The following PROM1 variants were observed in gnomAD, a reference collection of about 807,000 sequenced individuals.
PROM1 encodes prominin-1.
A neutral mutation model predicts 116.9 loss-of-function variants in PROM1; 105 were observed. The observed-to-expected ratio is 0.90, with a 90% CI of 0.77 to 1.06. The LOEUF (loss-of-function observed/expected upper bound fraction) is 1.06, where lower values mean the gene tolerates loss of function less well. Among genes scored for constraint, PROM1 ranks in the 50% least tolerant of loss-of-function variants. PROM1 has a pLI of 0.00. For missense variants in PROM1, 1,122 were observed against 1,045.2 expected (o/e 1.07, Z -1.01); for synonymous variants, 393 against 387.0 (o/e 1.02, Z -0.18).
At chr4:16,041,140 A>G (rs1735127701) in intron 2 of PROM1, among the ~76,000 whole-genome samples, 1 of 152,214 alleles carries the variant, frequency 6.6e-6, no homozygotes, top group Admixed American at 6.5e-5. Context: ...TGTTGTGTTG[A>G]CATTTGCACT....
rs377682836 is a variant in PROM1 at position 15,992,230 on chromosome 4, T to C, written c.1911+18A>G. The C allele has an allele frequency of 1.6e-5, 26 of 1,612,602 alleles. No homozygotes were observed. The highest frequency in any genetic ancestry group is 2.0e-5 in the Non-Finnish European group (24 of 1,179,628). ...TTAATTTCTCCTAAAGGATCAAGCA[T>C]GAACACATGCGCCATACCTGAGCCA... is the stretch of plus-strand genomic sequence containing the variant. On this transcript the variant is annotated intron_variant, in intron 17 of 27. Coordinates refer to ENST00000447510, the MANE Select transcript of PROM1 (RefSeq NM_006017.3).
chr4:16,008,346 C>T (rs543442231), intron 12 of PROM1, among the ~76,000 whole-genome samples: 1 of 152,314 alleles, frequency 6.6e-6, no homozygotes, highest in East Asian at 1.9e-4. Flanking sequence ...CCCCACCACT[C>T]GCATTTTCTA....
At chr4:15,980,304 A>T (rs1717444579) in intron 24 of PROM1, 118 bp downstream of exon 24, 1 of 17,736 alleles carries the variant, frequency 5.6e-5, no homozygotes, top group Non-Finnish European at 1.0e-4. Flanking sequence ...AACTACTACT[A>T]AAAAAAAAAA....
At chr4:16,018,015 A>AT (rs1160757138) in intron 9 of PROM1, among the ~76,000 whole-genome samples, 6 of 30,294 alleles carry the variant, frequency 2.0e-4, no homozygotes, top group African/African-American at 3.3e-4. Context: ...CATATTTAAA[A>AT]ATTTTTTAAT....
In PROM1 at chr4:15,989,879, T is replaced by A. The variant is rs567249360; in HGVS notation, c.1984-55A>T. On this transcript the variant is annotated intron_variant, in intron 18 of 27. Transcript: ENST00000447510. ...TACCATCTTTCCAGACTCAAAGCAC[T>A]CTCGCTATCCTCAGGGGCCCTGTGT... 26 of 1,400,818 alleles carry A rather than the reference T, an allele frequency of 1.9e-5. No homozygotes were observed. The East Asian group carries it at 3.9e-4, about 21-fold the overall frequency. 86.8% of individuals were successfully genotyped at this position (1,400,818 alleles called of 1,614,324 possible).
chr4:16,015,144 G>T (rs1727987195), intron 10 of PROM1, among the ~76,000 whole-genome samples: 1 of 151,842 alleles, frequency 6.6e-6, no homozygotes, highest in African/African-American at 2.4e-5. Flanking sequence ...TCAGGAATTC[G>T]AGACCAGCCT....
In PROM1 at chr4:15,979,862, T is replaced by A. The variant is rs1577792083; in HGVS notation, c.2513+19A>T. 14 of 1,444,164 alleles carry A rather than the reference T, an allele frequency of 9.7e-6. No homozygotes were observed. In the East Asian group the frequency reaches 3.5e-4, roughly 36 times the overall value. The allele number at this position is 1,444,164 out of a possible 1,614,324, so 89.5% of individuals were successfully genotyped here. ...TCCCCCATCCCATCTAGGAATATAG[T>A]TTTTTTAAAAAGGCTTACTTTTTCA... is the stretch of plus-strand genomic sequence containing the variant. On this transcript the variant is annotated intron_variant, in intron 25 of 27. Coordinates refer to ENST00000447510, the MANE Select transcript of PROM1 (RefSeq NM_006017.3).
chr4:16,005,517 T>C (rs1025782361), intron 13 of PROM1, among the ~76,000 whole-genome samples: 2 of 151,224 alleles, frequency 1.3e-5, no homozygotes, highest in African/African-American at 4.9e-5. Context: ...TGTGTGTGTG[T>C]GTGTGTGTGT....
At chr4:16,077,106 T>C (rs1176074120) in intron 1 of PROM1, among the ~76,000 whole-genome samples, 2 of 152,076 alleles carry the variant, frequency 1.3e-5, no homozygotes, top group African/African-American at 4.8e-5. Context: ...CTGAGGAGCA[T>C]TAGTATAAGA....
intron 23 of PROM1, among the ~76,000 whole-genome samples, chr4:15,983,772 G>A (rs1002545501): frequency 3.9e-5 from 6 of 152,166 alleles, no homozygotes; most frequent in African/African-American, 1.4e-4. Flanking sequence ...AAGCCACTGA[G>A]GTGCTTTCAG....
At chr4:16,032,104 T>C (rs1732841858) in intron 5 of PROM1, among the ~76,000 whole-genome samples, 1 of 151,984 alleles carries the variant, frequency 6.6e-6, no homozygotes, top group African/African-American at 2.4e-5. Context: ...TCACATCCCA[T>C]CTGCTCTATA....
At chr4:16,015,676 G>C (rs1426776003) in intron 10 of PROM1, among the ~76,000 whole-genome samples, 1 of 151,868 alleles carries the variant, frequency 6.6e-6, no homozygotes, top group Non-Finnish European at 1.5e-5. Flanking sequence ...GGTGACAGAG[G>C]GGGATTCCAC....
intron 5 of PROM1, among the ~76,000 whole-genome samples, chr4:16,027,660 T>G (rs1318359960): frequency 6.6e-6 from 1 of 152,228 alleles, no homozygotes; most frequent in East Asian, 1.9e-4. Flanking sequence ...CTTCAGACTC[T>G]AATGTGTCTT....
At chr4:15,992,976 C>A (rs1721446022) in intron 16 of PROM1, among the ~76,000 whole-genome samples, 1 of 152,202 alleles carries the variant, frequency 6.6e-6, no homozygotes, top group Admixed American at 6.5e-5. Context: ...GCCTGCACGT[C>A]CCAGGCAACC....
chr4:16,076,237 G>A, intron 1 of PROM1, 119 bp from the exon 2 acceptor site: 1 of 249,130 alleles, frequency 4.0e-6, no homozygotes, highest in Non-Finnish European at 7.7e-6. Context: ...ATCCGGATGG[G>A]TGGGTGGAAA....
intron 11 of PROM1, among the ~76,000 whole-genome samples, chr4:16,009,360 C>A (rs769837015): frequency 3.5e-4 from 54 of 152,298 alleles, no homozygotes; most frequent in Non-Finnish European, 6.0e-4. Flanking sequence ...TTTCCTTCTT[C>A]CACTTACTTT....
intron 8 of PROM1, among the ~76,000 whole-genome samples, chr4:16,020,577 T>C (rs1367690203): frequency 5.9e-5 from 9 of 152,016 alleles, no homozygotes; most frequent in African/African-American, 2.2e-4. Context: ...TAAAACACAC[T>C]TCATGTTTTA....
chr4:15,987,026 G>T lies in PROM1; in HGVS notation c.2130+637C>A, dbSNP rs140261541. ...ACATGGCCCCTGTGGTAGGTAGATT[G>T]CATTAGCTGTTCAGGATTATTGATA... On this transcript the variant is annotated intron_variant, in intron 20 of 27. Transcript: ENST00000447510. Among the ~76,000 whole-genome samples, 304 of 152,378 alleles carry T rather than the reference G, an allele frequency of 2.0e-3. 3 individuals carry two copies. The highest frequency in any genetic ancestry group is 7.0e-3 in the African/African-American group (291 of 41,594).
At chr4:16,031,629 G>C (rs1026771858) in intron 5 of PROM1, among the ~76,000 whole-genome samples, 1 of 152,068 alleles carries the variant, frequency 6.6e-6, no homozygotes, top group Admixed American at 6.6e-5. Flanking sequence ...AAAATACAGA[G>C]AGGCAAGGAG....
Sources: allele counts gnomAD v4.1 joint callset (sites outside exome capture counted in the v4.1 genomes callset), GRCh38; gene constraint gnomAD v4.1.1; transcripts MANE v1.5; gene names NCBI Gene and HGNC (gene_info 2026-07-23, HGNC 2026-07-21).